The following HNRNPA1L2 variants were observed in gnomAD, a reference collection of about 807,000 sequenced individuals.
The protein encoded by HNRNPA1L2 is heterogeneous nuclear ribonucleoprotein A1-like 2.
Under a neutral mutation model 18.2 loss-of-function variants are expected in HNRNPA1L2, and 10 were observed. The observed-to-expected ratio is 0.55, with a 90% CI of 0.34 to 0.93. The LOEUF is 0.93. HNRNPA1L2 is among the 40% of genes least tolerant of loss of function. The pLI is 0.02. For synonymous variants in HNRNPA1L2, 124 were observed against 138.6 expected, an observed-to-expected ratio of 0.89 and a Z score of 0.74; for missense variants, 308 against 394.4, an observed-to-expected ratio of 0.78 and a Z score of 1.85.
At chr13:52,625,899 C>T in the HNRNPA1L2 span, among the ~76,000 whole-genome samples, 1 of 152,030 alleles carries the variant, frequency 6.6e-6, no homozygotes, top group African/African-American at 2.4e-5. Flanking sequence ...CACTCAACCT[C>T]TCAAGTAGCT....
At chr13:52,636,963 C>G in the HNRNPA1L2 span, among the ~76,000 whole-genome samples, 2 of 152,140 alleles carry the variant, frequency 1.3e-5, no homozygotes, top group Non-Finnish European at 2.9e-5. Flanking sequence ...TCCCAAGTAG[C>G]TGGGATTACA....
chr13:52,636,359 A>C, the HNRNPA1L2 span, among the ~76,000 whole-genome samples: 9,366 of 152,308 alleles, frequency 0.061, 332 homozygotes, highest in African/African-American at 0.095. Context: ...GCTGTTTTCC[A>C]AGATGTTTGT....
At chr13:52,638,297 G>A (rs1273517626), upstream of HNRNPA1L2, among the ~76,000 whole-genome samples, 7 of 152,126 alleles carry the variant, frequency 4.6e-5, no homozygotes, top group Non-Finnish European at 1.0e-4. Context: ...TGCCCTCTTA[G>A]GGGATGACCA....
At chr13:52,623,254 T>A in the HNRNPA1L2 span, among the ~76,000 whole-genome samples, 3 of 152,196 alleles carry the variant, frequency 2.0e-5, no homozygotes, top group Non-Finnish European at 4.4e-5. Flanking sequence ...GCCCTTTATT[T>A]TAATTTAATT....
chr13:52,642,318 T>C, upstream of HNRNPA1L2: 1 of 816,722 alleles, frequency 1.2e-6, no homozygotes, highest in Admixed American at 2.3e-5. Context: ...TTCCTGTACA[T>C]ACACTAAAAA....
At chr13:52,626,464 GTTTAC>G in the HNRNPA1L2 span, among the ~76,000 whole-genome samples, 1 of 148,506 alleles carries the variant, frequency 6.7e-6, no homozygotes, top group Non-Finnish European at 1.5e-5. Context: ...GTTGTATACA[GTTTAC>G]TTTCTTTTCA....
chr13:52,639,547 G>A (rs147222135), upstream of HNRNPA1L2, among the ~76,000 whole-genome samples: 644 of 152,160 alleles, frequency 4.2e-3, 2 homozygotes, highest in African/African-American at 0.014. Flanking sequence ...GCTATTTATT[G>A]AACAGTTCAG....
At chr13:52,619,539 C>T in the HNRNPA1L2 span, among the ~76,000 whole-genome samples, 1 of 152,130 alleles carries the variant, frequency 6.6e-6, no homozygotes, top group African/African-American at 2.4e-5. Context: ...TCTCGAACTC[C>T]AGACCTCAGG....
At chr13:52,629,698 T>G in the HNRNPA1L2 span, among the ~76,000 whole-genome samples, 12 of 152,226 alleles carry the variant, frequency 7.9e-5, no homozygotes, top group African/African-American at 2.9e-4. Flanking sequence ...ATTTTAAATA[T>G]CAATGCCTAA....
chr13:52,620,040 A>G, the HNRNPA1L2 span, among the ~76,000 whole-genome samples: 1 of 151,104 alleles, frequency 6.6e-6, no homozygotes, highest in Admixed American at 6.6e-5. Flanking sequence ...TTGTTTTTTC[A>G]TTCTAATTTT....
At chr13:52,623,240 T>A in the HNRNPA1L2 span, among the ~76,000 whole-genome samples, 1 of 152,220 alleles carries the variant, frequency 6.6e-6, no homozygotes, top group Non-Finnish European at 1.5e-5. Context: ...TTATGACCCC[T>A]CATGCCCTTT....
chr13:52,622,720 C>T, the HNRNPA1L2 span, among the ~76,000 whole-genome samples: 7 of 152,308 alleles, frequency 4.6e-5, no homozygotes, highest in East Asian at 1.3e-3. Context: ...TGTATGACTT[C>T]CTGTGACCAA....
chr13:52,643,361 G>T lies in HNRNPA1L2; in HGVS notation c.869G>T (p.Gly290Val). 1 of 1,598,436 alleles carries T rather than the reference G, an allele frequency of 6.3e-7. No homozygotes were observed. Among genetic ancestry groups the T allele is most frequent in the East Asian group, 2.2e-5 (1 of 44,880 alleles). The change falls in exon 1 of 1, where the codon GGC becomes GTC. Residue 290 changes from glycine to valine, a missense_variant. Coordinates refer to ENST00000357495, the MANE Select transcript of HNRNPA1L2 (RefSeq NM_001389320.1). ...GGAGGCAGAAGCTCTGGCCCCTATGGCGGTGGAGGCCAATACTTTGCAAAA... is the reference window on the plus strand; with the variant it reads ...GGAGGCAGAAGCTCTGGCCCCTATGTCGGTGGAGGCCAATACTTTGCAAAA... ...NFGGRSSGPY[G>V]GGGQYFAKPQ...
At chr13:52,621,192 A>C in the HNRNPA1L2 span, among the ~76,000 whole-genome samples, 8 of 152,210 alleles carry the variant, frequency 5.3e-5, no homozygotes, top group African/African-American at 1.9e-4. Context: ...CTTTTGCATG[A>C]GTCTAGTATA....
chr13:52,630,620 C>T, the HNRNPA1L2 span, among the ~76,000 whole-genome samples: 1 of 152,238 alleles, frequency 6.6e-6, no homozygotes, highest in East Asian at 1.9e-4. Context: ...GTTTTCAATA[C>T]ATTGTGTATT....
At chr13:52,624,112 G>C in the HNRNPA1L2 span, among the ~76,000 whole-genome samples, 3 of 152,028 alleles carry the variant, frequency 2.0e-5, no homozygotes, top group Non-Finnish European at 2.9e-5. Flanking sequence ...GTTGTATTTT[G>C]TTTTGTTTTG....
the HNRNPA1L2 span, chr13:52,637,401 G>T: frequency 4.0e-6 from 1 of 249,292 alleles, no homozygotes; most frequent in South Asian, 6.5e-5. Flanking sequence ...CTGATCCAGG[G>T]GACAAAAGAG....
At chr13:52,631,263 C>T in the HNRNPA1L2 span, among the ~76,000 whole-genome samples, 5 of 152,206 alleles carry the variant, frequency 3.3e-5, no homozygotes, top group Non-Finnish European at 5.9e-5. Flanking sequence ...TTTATAGCCT[C>T]CATCAGCCTG....
At chr13:52,624,374 A>G in the HNRNPA1L2 span, among the ~76,000 whole-genome samples, 1 of 152,126 alleles carries the variant, frequency 6.6e-6, no homozygotes, top group African/African-American at 2.4e-5. Context: ...GGCCTCCCCA[A>G]GTGCTGGGAT....
Sources: gnomAD v4.1 joint callset for allele counts (sites outside exome capture counted in the v4.1 genomes callset) on GRCh38, gnomAD v4.1.1 for gene constraint, MANE v1.5 for transcripts, NCBI Gene and HGNC (gene_info 2026-07-23, HGNC 2026-07-21) for gene names.